Variants in MEGF11 observed in about 807,000 individuals in gnomAD.
The protein encoded by MEGF11 is multiple EGF like domains 11.
MEGF11 carries 126 observed loss-of-function variants against 146.6 expected under a neutral mutation model. That is an observed-to-expected ratio of 0.86 (90% CI 0.74 to 1.00). The LOEUF is 1.00. MEGF11 is among the 50% of genes least tolerant of loss of function. The pLI is 0.00. For synonymous variants in MEGF11, 532 were observed against 583.4 expected (o/e 0.91, Z 1.27); for missense variants, 1,509 against 1,521.2 (o/e 0.99, Z 0.13).
intron 2 of MEGF11, among the ~76,000 whole-genome samples, chr15:66,126,326 C>T (rs2088344088): frequency 6.6e-6 from 1 of 152,182 alleles, no homozygotes; most frequent in African/African-American, 2.4e-5. Context: ...GCCCACAAGC[C>T]TTCCCCCTTG....
At position 66,017,307 on chromosome 15, in the gene MEGF11, T is replaced by A. The variant is rs149476879; in HGVS notation, c.395-34819A>T. 4.6e-3 allele frequency among the ~76,000 whole-genome samples: 708 copies of A among 152,296 alleles called. 8 individuals are homozygous for A. Among genetic ancestry groups the A allele is most frequent in the African/African-American group, 0.016 (663 of 41,558 alleles). The stretch of plus-strand genomic sequence containing the variant: ...TGGGTCCTCAGGATACTGCTAATGA[T>A]GGTGACAATAGGGACTGCAGTTAAC... On this transcript the variant is annotated intron_variant, in intron 5 of 25. Coordinates refer to ENST00000395614, the MANE Select transcript of MEGF11 (RefSeq NM_001385028.1).
chr15:66,008,407 GCGCGCACACACACA>G (rs1181922291), intron 5 of MEGF11, among the ~76,000 whole-genome samples: 1,091 of 82,320 alleles, frequency 0.013, 4 homozygotes, highest in Non-Finnish European at 0.018. Context: ...GCACACGCGC[GCGCGCACACACACA>G]CACACACACA....
At chr15:65,994,955 C>G (rs2082156849) in intron 5 of MEGF11, among the ~76,000 whole-genome samples, 1 of 152,210 alleles carries the variant, frequency 6.6e-6, no homozygotes, top group South Asian at 2.1e-4. Context: ...GGCTTAAGTG[C>G]AGCAGCTAGA....
intron 5 of MEGF11, among the ~76,000 whole-genome samples, chr15:66,070,951 A>G (rs1485965965): frequency 1.3e-5 from 2 of 152,176 alleles, no homozygotes. Context: ...GGAGAAAACT[A>G]TGTATTAATC....
At chr15:65,948,417 G>A (rs1207257004) in intron 10 of MEGF11, among the ~76,000 whole-genome samples, 1 of 152,028 alleles carries the variant, frequency 6.6e-6, no homozygotes, top group East Asian at 1.9e-4. Context: ...GTTACACCCT[G>A]CATCTCGCTC....
At chr15:66,101,396 A>G (rs1005911578) in intron 4 of MEGF11, among the ~76,000 whole-genome samples, 1 of 152,068 alleles carries the variant, frequency 6.6e-6, no homozygotes, top group Non-Finnish European at 1.5e-5. Flanking sequence ...CAGCTCTCCC[A>G]CCACTTACTT....
chr15:65,906,012 C>T, intron 24 of MEGF11, 73 bp downstream of exon 24: 1 of 1,293,118 alleles, frequency 7.7e-7, no homozygotes, highest in Non-Finnish European at 1.1e-6. Context: ...AGTGGAATTC[C>T]TGGCCATTTC....
intron 4 of MEGF11, among the ~76,000 whole-genome samples, chr15:66,116,043 C>G (rs146360989): frequency 2.0e-5 from 3 of 152,208 alleles, no homozygotes; most frequent in African/African-American, 7.2e-5. Flanking sequence ...CTGCACCTCC[C>G]GCTGCAGCCC....
At chr15:65,999,384 C>T (rs2082290935) in intron 5 of MEGF11, among the ~76,000 whole-genome samples, 1 of 152,142 alleles carries the variant, frequency 6.6e-6, no homozygotes, top group Non-Finnish European at 1.5e-5. Context: ...CTTCTCCATC[C>T]TCTAAAAGCC....
At position 66,171,861 on chromosome 15, in the gene MEGF11, T is replaced by G. The variant is rs184778438; in HGVS notation, c.-8-43450A>C. On this transcript the variant is annotated intron_variant, in intron 1 of 25. Coordinates refer to ENST00000395614, the MANE Select transcript of MEGF11 (RefSeq NM_001385028.1). ...TCATTACCCACTAATTGTCCAAAAT[T>G]TCATTCCCTCATCTTTCTTGGTTAA... is the stretch of plus-strand genomic sequence containing the variant. Among the ~76,000 whole-genome samples the G allele has an allele frequency of 4.9e-4, 74 of 152,182 alleles. No individual in the cohort carries two copies. The East Asian group carries it at 0.014, about 28-fold the overall frequency.
At chr15:65,984,855 G>A (rs2081797306) in intron 5 of MEGF11, among the ~76,000 whole-genome samples, 1 of 149,420 alleles carries the variant, frequency 6.7e-6, no homozygotes, top group Admixed American at 6.7e-5. Flanking sequence ...TGCAACCTCT[G>A]TCTCCCGGGT....
At chr15:65,970,287 G>C (rs1422319104) in intron 8 of MEGF11, among the ~76,000 whole-genome samples, 1 of 152,220 alleles carries the variant, frequency 6.6e-6, no homozygotes, top group East Asian at 1.9e-4. Flanking sequence ...AGAGAGTAGA[G>C]AGTGGGGGCA....
intron 1 of MEGF11, among the ~76,000 whole-genome samples, chr15:66,224,489 C>A (rs998385493): frequency 1.3e-5 from 2 of 151,766 alleles, no homozygotes; most frequent in African/African-American, 4.8e-5. Context: ...GAGGCTGAGG[C>A]AAGAGAATCA....
At chr15:66,210,673 G>A (rs2091421918) in intron 1 of MEGF11, among the ~76,000 whole-genome samples, 1 of 152,210 alleles carries the variant, frequency 6.6e-6, no homozygotes, top group Admixed American at 6.5e-5. Context: ...AGGGGAGAGG[G>A]ACTTTCAAGA....
Position 65,966,278 on chromosome 15 carries a change from G to A in MEGF11, c.900-1158C>T, listed in dbSNP as rs187083310. Among the ~76,000 whole-genome samples the A allele has an allele frequency of 2.0e-3, 310 of 152,324 alleles. 1 individual carries two copies. Among genetic ancestry groups the A allele is most frequent in the Middle Eastern group, 6.8e-3 (2 of 294 alleles). On this transcript the variant is annotated intron_variant, in intron 8 of 25. Transcript: ENST00000395614. ...CAAAGTGCTGGGATTACAGGCATGA[G>A]CCACCTTGTTTTTAAAAGATATTTT... is the stretch of plus-strand genomic sequence containing the variant.
At chr15:66,157,458 T>C (rs893118064) in intron 1 of MEGF11, among the ~76,000 whole-genome samples, 4 of 152,182 alleles carry the variant, frequency 2.6e-5, no homozygotes, top group Non-Finnish European at 4.4e-5. Flanking sequence ...ACAATCCCAT[T>C]GCTGATCACA....
At chr15:66,072,435 T>G (rs2085407563) in intron 5 of MEGF11, among the ~76,000 whole-genome samples, 1 of 152,188 alleles carries the variant, frequency 6.6e-6, no homozygotes, top group African/African-American at 2.4e-5. Flanking sequence ...TATCACCAAT[T>G]GAAATTACCG....
chr15:66,038,756 T>A (rs2083827775), intron 5 of MEGF11, among the ~76,000 whole-genome samples: 1 of 152,132 alleles, frequency 6.6e-6, no homozygotes, highest in African/African-American at 2.4e-5. Flanking sequence ...CTTCCCACCT[T>A]ATAATGCAGT....
chr15:66,094,749 C>T (rs4776724), intron 4 of MEGF11, among the ~76,000 whole-genome samples: 146,622 of 152,258 alleles, frequency 0.96, 70,848 homozygotes, highest in East Asian at 1. Flanking sequence ...AGCGGTAACT[C>T]CGTTGGCTTT....
Sources: allele counts gnomAD v4.1 joint callset (sites outside exome capture counted in the v4.1 genomes callset), GRCh38; gene constraint gnomAD v4.1.1; transcripts MANE v1.5; gene names NCBI Gene and HGNC (gene_info 2026-07-23, HGNC 2026-07-21).